Variants in TRPM1 observed in about 807,000 individuals in gnomAD.
TRPM1 encodes transient receptor potential cation channel subfamily M member 1, also known as TRPM1-203 APA Isoform, Intron 10.
TRPM1 carries 113 observed loss-of-function variants against 149.4 expected under a neutral mutation model. The observed-to-expected ratio is 0.76, with a 90% CI of 0.65 to 0.88. The LOEUF is 0.88. Ranked by LOEUF, TRPM1 falls within the 40% of genes least tolerant of loss-of-function variation. TRPM1 has a pLI of 0.00. For synonymous variants in TRPM1, 741 were observed against 759.5 expected, an observed-to-expected ratio of 0.98 and a Z score of 0.40; for missense variants, 1,976 against 2,038.7, an observed-to-expected ratio of 0.97 and a Z score of 0.59.
intron 1 of TRPM1, among the ~76,000 whole-genome samples, chr15:31,112,922 CTCT>C (rs1343490412): frequency 6.6e-6 from 1 of 152,134 alleles, no homozygotes; most frequent in Non-Finnish European, 1.5e-5. Flanking sequence ...TCTGAAATAC[CTCT>C]TAATATTTCA....
intron 1 of TRPM1, among the ~76,000 whole-genome samples, chr15:31,133,334 G>A (rs2036044551): frequency 6.6e-6 from 1 of 151,964 alleles, no homozygotes. Flanking sequence ...TTGGGAGGCT[G>A]AGGTAGGTGG....
intron 11 of TRPM1, 195 bp downstream of exon 11, chr15:31,060,349 T>C: frequency 1.6e-6 from 1 of 636,706 alleles, no homozygotes; most frequent in Non-Finnish European, 2.8e-6. Context: ...AGTACTGGTT[T>C]GAATGTGGAA....
At chr15:31,152,792 A>G (rs2036321121) in intron 1 of TRPM1, among the ~76,000 whole-genome samples, 1 of 152,046 alleles carries the variant, frequency 6.6e-6, no homozygotes. Context: ...ACAGGCACAC[A>G]CCACCACATC....
chr15:31,084,551 A>G lies in TRPM1; in HGVS notation c.-83-3113T>C, dbSNP rs578066177. 2.8e-4 allele frequency among the ~76,000 whole-genome samples: 42 copies of G among 152,044 alleles called. No homozygotes were observed. In the South Asian group the frequency reaches 7.9e-3, roughly 29 times the overall value. ...GCAGATCAGGACTTTACTCTTTTCT[A>G]TGCCTCTGTAATATTCCATTACATG... On this transcript the variant is annotated intron_variant, in intron 1 of 27. Transcript: ENST00000256552.
At chr15:31,134,063 C>T (rs1017761788) in intron 1 of TRPM1, among the ~76,000 whole-genome samples, 8 of 152,074 alleles carry the variant, frequency 5.3e-5, no homozygotes, top group Admixed American at 2.0e-4. Context: ...CCTCTCTGGA[C>T]GGGTGGATGG....
chr15:31,152,831 C>A (rs2036321638), intron 1 of TRPM1, among the ~76,000 whole-genome samples: 1 of 152,142 alleles, frequency 6.6e-6, no homozygotes, highest in African/African-American at 2.4e-5. Context: ...CTTGTAGAGA[C>A]AGGGTCTCAC....
intron 1 of TRPM1, among the ~76,000 whole-genome samples, chr15:31,088,938 T>C (rs1420600609): frequency 1.3e-5 from 2 of 152,204 alleles, no homozygotes; most frequent in Admixed American, 6.5e-5. Flanking sequence ...GCGTGGAAGC[T>C]GCTGGCGCCT....
At chr15:31,024,133 C>T (rs59398437) in intron 27 of TRPM1, among the ~76,000 whole-genome samples, 1 of 152,038 alleles carries the variant, frequency 6.6e-6, no homozygotes, top group Non-Finnish European at 1.5e-5. Flanking sequence ...TAACCAGACC[C>T]TACAGACTGA....
At chr15:31,075,526 C>T (rs187019758) in intron 3 of TRPM1, among the ~76,000 whole-genome samples, 9 of 152,252 alleles carry the variant, frequency 5.9e-5, no homozygotes, top group African/African-American at 1.7e-4. Flanking sequence ...GAGTGGGGCA[C>T]GGGTGGAAGA....
In TRPM1 at chr15:31,042,169, G is replaced by A. The variant is rs569549766; in HGVS notation, c.1869C>T (p.Asp623=). 3.7e-5 allele frequency: 60 copies of A among 1,614,080 alleles called. 2 individuals carry two copies. In the South Asian group the frequency reaches 4.1e-4, roughly 11 times the overall value. Residue 623 remains aspartate (D), a synonymous_variant, in exon 17 of 28, where the codon GAC becomes GAT. Coordinates refer to ENST00000256552, the MANE Select transcript of TRPM1 (RefSeq NM_001252024.2). ...KKEEEIDIDV[D]DPAVSRFQYP... Reference sequence around the variant, plus strand: ...ACTGGAACCGACTCACGGCAGGGTCGTCCACATCAATGTCGATCTCTTCCT... The same window carrying A: ...ACTGGAACCGACTCACGGCAGGGTCATCCACATCAATGTCGATCTCTTCCT...
In TRPM1 at chr15:31,064,907, T is replaced by C. The variant is rs115027543; in HGVS notation, c.790+1169A>G. On this transcript the variant is annotated intron_variant, in intron 7 of 27. Transcript: ENST00000256552. Reference sequence around the variant, plus strand: ...AACTAAGATATCCTGGACTCCGCCTTTGAGATTTCCAACCCAAGCAAGGAT... The same window carrying C: ...AACTAAGATATCCTGGACTCCGCCTCTGAGATTTCCAACCCAAGCAAGGAT... 1,799 of 428,142 alleles carry C rather than the reference T, an allele frequency of 4.2e-3. 35 individuals carry two copies. The highest frequency in any genetic ancestry group is 0.034 in the African/African-American group (1,680 of 49,036). The allele number at this position is 428,142 out of a possible 1,614,324, so 26.5% of individuals were successfully genotyped here. A position where few individuals can be genotyped will look rare whatever the true frequency, so the allele number is the denominator to read the frequency against.
intron 1 of TRPM1, among the ~76,000 whole-genome samples, chr15:31,096,458 T>G (rs1013065237): frequency 6.6e-6 from 1 of 152,210 alleles, no homozygotes; most frequent in African/African-American, 2.4e-5. Flanking sequence ...ACCCTGATTG[T>G]CTGGGAACCT....
intron 1 of TRPM1, among the ~76,000 whole-genome samples, chr15:31,100,367 G>A (rs971421689): frequency 6.6e-6 from 1 of 151,796 alleles, no homozygotes; most frequent in African/African-American, 2.4e-5. Flanking sequence ...GAGCCATCGC[G>A]CCTGGCCCTG....
intron 10 of TRPM1, 42 bp from the exon 11 acceptor site, chr15:31,060,686 T>C (rs1458495928): frequency 1.3e-6 from 2 of 1,552,616 alleles, no homozygotes; most frequent in Non-Finnish European, 1.8e-6. Context: ...ACTCCACGCC[T>C]GGACCGCCAG....
chr15:31,012,422 T>G (rs1015752780), intron 27 of TRPM1, among the ~76,000 whole-genome samples: 3 of 152,236 alleles, frequency 2.0e-5, no homozygotes, highest in Non-Finnish European at 4.4e-5. Context: ...TTTCAGCACA[T>G]TGACTATGTC....
chr15:31,080,909 C>T (rs996777459), intron 2 of TRPM1, among the ~76,000 whole-genome samples: 5 of 152,098 alleles, frequency 3.3e-5, no homozygotes, highest in Non-Finnish European at 7.4e-5. Flanking sequence ...GGCCCCTCAT[C>T]GTGAAAGGGG....
At chr15:31,157,579 AT>A (rs2036393916) in intron 1 of TRPM1, among the ~76,000 whole-genome samples, 1 of 152,078 alleles carries the variant, frequency 6.6e-6, no homozygotes, top group African/African-American at 2.4e-5. Flanking sequence ...GCAGAATCTC[AT>A]TTTTCTTCTC....
At chr15:31,100,391 T>G (rs2035488255) in intron 1 of TRPM1, among the ~76,000 whole-genome samples, 1 of 151,892 alleles carries the variant, frequency 6.6e-6, no homozygotes, top group South Asian at 2.1e-4. Flanking sequence ...ATATTTTCAT[T>G]CCTCCCTACC....
At position 31,144,711 on chromosome 15, in the gene TRPM1, G is replaced by GTTTTTTTTTTTTTTTTTTTTT. The variant is rs1567078292; in HGVS notation, c.54+16194_54+16195insAAAAAAAAAAAAAAAAAAAAA. On this transcript the variant is annotated intron_variant, in intron 1 of 26. Transcript: ENST00000542188. ...CTGTGGCCCTTTTCATTGTTTTTGAGATTTTTTTTTTTTTTTTTTTTGAGA... is the reference window on the plus strand; with the variant it reads ...CTGTGGCCCTTTTCATTGTTTTTGAGTTTTTTTTTTTTTTTTTTTTTATTTTTTTTTTTTTTTTTTTTGAGA... Among the ~76,000 whole-genome samples the GTTTTTTTTTTTTTTTTTTTTT allele has an allele frequency of 3.5e-5, 5 of 142,932 alleles. 1 individual carries two copies. Among genetic ancestry groups the GTTTTTTTTTTTTTTTTTTTTT allele is most frequent in the African/African-American group, 5.3e-5 (2 of 37,456 alleles). The allele number at this position is 142,932 out of a possible 152,430, so 93.8% of individuals were successfully genotyped here. A position where few individuals can be genotyped will look rare whatever the true frequency, so the allele number is the denominator to read the frequency against.
Sources: gnomAD v4.1 joint callset for allele counts (sites outside exome capture counted in the v4.1 genomes callset) on GRCh38, gnomAD v4.1.1 for gene constraint, MANE v1.5 for transcripts, NCBI Gene and HGNC (gene_info 2026-07-23, HGNC 2026-07-21) for gene names.